PDZD2: variants seen among roughly 807,000 people sequenced by gnomAD.
PDZD2 encodes the protein PDZ domain containing 2.
In PDZD2, 90 loss-of-function variants were observed where a neutral mutation model predicts 220.7. That is an observed-to-expected ratio of 0.41 (90% CI 0.34 to 0.49). The LOEUF (loss-of-function observed/expected upper bound fraction) is 0.49, where lower values mean the gene tolerates loss of function less well. PDZD2 is among the 20% of genes least tolerant of loss of function. The pLI, the probability that PDZD2 is intolerant of heterozygous loss-of-function variation, is 0.28. For missense variants in PDZD2, 3,174 were observed against 3,608.5 expected (o/e 0.88, Z 3.08); for synonymous variants, 1,375 against 1,450.5 (o/e 0.95, Z 1.18).
At chr5:32,039,725 AAGTGAGGAGTG>A (rs1755882889) in intron 7 of PDZD2, among the ~76,000 whole-genome samples, 1 of 134,442 alleles carries the variant, frequency 7.4e-6, no homozygotes, top group African/African-American at 3.4e-5. Flanking sequence ...CCCGTCTGGG[AAGTGAGGAGTG>A]CCTCTGCCCG....
chr5:32,006,870 A>G (rs111323673), intron 5 of PDZD2, among the ~76,000 whole-genome samples: 7,347 of 125,974 alleles, frequency 0.058, 591 homozygotes, highest in African/African-American at 0.19. Flanking sequence ...TTATATTTTT[A>G]GTAGAGACGG....
Position 31,646,067 on chromosome 5 carries a change from T to A in PDZD2, c.-361+6630T>A, listed in dbSNP as rs1745126072. 6.6e-6 allele frequency among the ~76,000 whole-genome samples: 1 copy of A among 151,972 alleles called. No individual in the cohort carries two copies. Among genetic ancestry groups the A allele is most frequent in the Non-Finnish European group, 1.5e-5 (1 of 67,994 alleles). On this transcript the variant is annotated intron_variant, in intron 1 of 24. Transcript: ENST00000438447. This position sits in a 1 kb window ranked among gnomAD's most constrained non-coding sequence, Gnocchi z 4.7. ...CTGCGGGGGGGCCTTCTCACTACTG[T>A]CACTCCTAGGGAGATCTCAGGATAC...
intron 22 of PDZD2, among the ~76,000 whole-genome samples, chr5:32,097,961 C>G (rs929112989): frequency 6.6e-6 from 1 of 152,176 alleles, no homozygotes; most frequent in Non-Finnish European, 1.5e-5. Flanking sequence ...TAGAAAGTTC[C>G]TTTACTACAA....
chr5:31,689,791 C>T (rs1156558666), intron 1 of PDZD2, among the ~76,000 whole-genome samples: 1 of 152,102 alleles, frequency 6.6e-6, no homozygotes, highest in Non-Finnish European at 1.5e-5. Context: ...TGATGTTCTC[C>T]TTGTGAATCC....
chr5:31,858,067 C>T (rs890458758), intron 2 of PDZD2, among the ~76,000 whole-genome samples: 1 of 152,182 alleles, frequency 6.6e-6, no homozygotes, highest in African/African-American at 2.4e-5. Flanking sequence ...CTCAGGTGAT[C>T]TGCCCGTCTT....
At chr5:31,969,571 G>C (rs928224229) in intron 2 of PDZD2, among the ~76,000 whole-genome samples, 1 of 145,524 alleles carries the variant, frequency 6.9e-6, no homozygotes, top group African/African-American at 2.5e-5. Flanking sequence ...GATTTTGTAG[G>C]GGGTAAGTGG....
intron 23 of PDZD2, chr5:32,100,677 G>T (rs1312011123): frequency 1.6e-5 from 6 of 371,522 alleles, no homozygotes; most frequent in Non-Finnish European, 3.2e-5. Context: ...GCCAAGTCTT[G>T]GTACCAGAGG....
chr5:31,981,299 G>C (rs6888188), intron 2 of PDZD2, among the ~76,000 whole-genome samples: 48,199 of 152,038 alleles, frequency 0.32, 8,220 homozygotes, highest in Non-Finnish European at 0.39. Flanking sequence ...CAAAAATTCA[G>C]AATTATTCTC....
intron 14 of PDZD2, among the ~76,000 whole-genome samples, chr5:32,063,046 T>TATTATTATTATTATA: frequency 6.7e-6 from 1 of 148,968 alleles, no homozygotes; most frequent in Non-Finnish European, 1.5e-5. Flanking sequence ...TTATTATTAT[T>TATTATTATTATTATA]ATTATTATTA....
chr5:31,692,047 G>A (rs528820746), intron 1 of PDZD2, among the ~76,000 whole-genome samples: 6 of 152,322 alleles, frequency 3.9e-5, no homozygotes, highest in African/African-American at 1.2e-4. Context: ...ATGGGACTGG[G>A]CGCAGTGGAG....
At chr5:31,651,882 A>G (rs1029848973) in intron 1 of PDZD2, among the ~76,000 whole-genome samples, 3 of 103,686 alleles carry the variant, frequency 2.9e-5, no homozygotes, top group African/African-American at 1.1e-4. Context: ...TAGTGATGCA[A>G]TCTTGGCTCA....
chr5:32,009,623 T>G (rs903828028), intron 5 of PDZD2, among the ~76,000 whole-genome samples: 1 of 151,982 alleles, frequency 6.6e-6, no homozygotes, highest in Non-Finnish European at 1.5e-5. Context: ...TTCCAGCTAC[T>G]CATGAGGCTG....
intron 6 of PDZD2, among the ~76,000 whole-genome samples, chr5:32,020,135 T>G (rs1342751035): frequency 6.6e-6 from 1 of 151,582 alleles, no homozygotes; most frequent in East Asian, 1.9e-4. Flanking sequence ...TGGCACAATC[T>G]CAGCTCACTG....
At chr5:31,965,534 A>G (rs1748660280) in intron 2 of PDZD2, among the ~76,000 whole-genome samples, 1 of 152,222 alleles carries the variant, frequency 6.6e-6, no homozygotes, top group East Asian at 1.9e-4. Flanking sequence ...CTGTATTTGC[A>G]TATCAAAGGT....
intron 2 of PDZD2, among the ~76,000 whole-genome samples, chr5:31,830,318 A>T (rs1414033233): frequency 7.2e-6 from 1 of 139,142 alleles, no homozygotes; most frequent in Non-Finnish European, 1.5e-5. Flanking sequence ...GGCGCCCACC[A>T]CCACGCCCAG....
intron 14 of PDZD2, among the ~76,000 whole-genome samples, chr5:32,063,092 T>G (rs528951081): frequency 6.6e-6 from 1 of 150,986 alleles, no homozygotes; most frequent in South Asian, 2.1e-4. Flanking sequence ...TAGCCCGGGC[T>G]GGGGTGCAGT....
chr5:31,968,988 G>T (rs1251239990), intron 2 of PDZD2, among the ~76,000 whole-genome samples: 1 of 152,174 alleles, frequency 6.6e-6, no homozygotes, highest in African/African-American at 2.4e-5. Flanking sequence ...AAGTGGAGTT[G>T]ATTTGTGACG....
intron 19 of PDZD2, among the ~76,000 whole-genome samples, chr5:32,080,564 G>C (rs147970792): frequency 7.2e-5 from 11 of 152,098 alleles, no homozygotes; most frequent in African/African-American, 1.9e-4. Flanking sequence ...GACAGCAAAG[G>C]GTTGGTTTTT....
At chr5:32,081,275 C>T (rs1281257144) in intron 19 of PDZD2, among the ~76,000 whole-genome samples, 1 of 152,076 alleles carries the variant, frequency 6.6e-6, no homozygotes, top group Non-Finnish European at 1.5e-5. Flanking sequence ...TCTGGATTTC[C>T]CATAGATAAT....
Sources: gnomAD v4.1 joint callset for allele counts (sites outside exome capture counted in the v4.1 genomes callset) on GRCh38, gnomAD v4.1.1 for gene constraint, Gnocchi (gnomAD v3.1) non-coding constraint, MANE v1.5 for transcripts, NCBI Gene and HGNC (gene_info 2026-07-23, HGNC 2026-07-21) for gene names.